The following CDK17 variants were observed in gnomAD, a reference collection of about 807,000 sequenced individuals.
CDK17 encodes cyclin dependent kinase 17, also known as cyclin-dependent kinase 17.
CDK17 carries 24 observed loss-of-function variants against 77.6 expected under a neutral mutation model. The observed-to-expected ratio is 0.31, with a 90% CI of 0.22 to 0.44. The LOEUF (loss-of-function observed/expected upper bound fraction) is 0.44, where lower values mean the gene tolerates loss of function less well. Ranked by LOEUF, CDK17 falls within the 20% of genes least tolerant of loss-of-function variation. The pLI is 1.00. For missense variants in CDK17, 429 were observed against 622.5 expected (o/e 0.69, Z 3.31); for synonymous variants, 203 against 210.4 (o/e 0.96, Z 0.30).
intron 1 of CDK17, among the ~76,000 whole-genome samples, chr12:96,391,374 T>C (rs1954065077): frequency 6.6e-6 from 1 of 151,582 alleles, no homozygotes; most frequent in Non-Finnish European, 1.5e-5. Flanking sequence ...ACTACAACTT[T>C]CACCTCCCGG....
chr12:96,295,904 A>G (rs981178448), intron 9 of CDK17, among the ~76,000 whole-genome samples: 1 of 152,210 alleles, frequency 6.6e-6, no homozygotes, highest in African/African-American at 2.4e-5. Context: ...GTTAACAAAA[A>G]GAACCTCAAG....
In CDK17 at chr12:96,320,263, C is replaced by T. The variant is rs866229154; in HGVS notation, c.283+3685G>A. 4.9e-3 allele frequency among the ~76,000 whole-genome samples: 695 copies of T among 143,142 alleles called. 4 individuals are homozygous for T. The highest frequency in any genetic ancestry group is 7.0e-3 in the Middle Eastern group (2 of 284). 93.9% of individuals were successfully genotyped at this position (143,142 alleles called of 152,430 possible). ...TCCAACTTACAAGGGATGTGAAGGACCTCTTCAAGGAGAACTACAAACCAC... is the reference window on the plus strand; with the variant it reads ...TCCAACTTACAAGGGATGTGAAGGATCTCTTCAAGGAGAACTACAAACCAC... On this transcript the variant is annotated intron_variant, in intron 3 of 16. Coordinates refer to ENST00000261211, the MANE Select transcript of CDK17 (RefSeq NM_002595.5).
intron 3 of CDK17, among the ~76,000 whole-genome samples, chr12:96,314,816 A>G (rs1347311122): frequency 1.3e-5 from 2 of 152,198 alleles, no homozygotes; most frequent in Non-Finnish European, 2.9e-5. Flanking sequence ...TTTTTAAAAG[A>G]TGCCTTTTCC....
chr12:96,341,354 A>G (rs1953120254), intron 1 of CDK17, among the ~76,000 whole-genome samples: 2 of 145,472 alleles, frequency 1.4e-5, no homozygotes, highest in Admixed American at 6.8e-5. Context: ...CGTCTCATAT[A>G]TGTACGTGTG....
chr12:96,400,437 A>G lies in CDK17; in HGVS notation c.-481T>C, dbSNP rs939755693. On this transcript the variant is annotated 5_prime_UTR_variant, in exon 1 of 17. Coordinates refer to ENST00000261211, the MANE Select transcript of CDK17 (RefSeq NM_002595.5). ...TCGCTTTCACACTCGGCGGCTGCGG[A>G]TTGACGCCTCCGCCTGTTCCCCGGA... The G allele has an allele frequency of 1.9e-5, 7 of 378,084 alleles. No individual in the cohort carries two copies. Among genetic ancestry groups the G allele is most frequent in the African/African-American group, 8.4e-5 (4 of 47,674 alleles). 23.4% of individuals were successfully genotyped at this position (378,084 alleles called of 1,614,324 possible). A position where few individuals can be genotyped will look rare whatever the true frequency, so the allele number is the denominator to read the frequency against.
intron 9 of CDK17, among the ~76,000 whole-genome samples, chr12:96,296,596 G>A (rs528153530): frequency 1.3e-5 from 2 of 152,152 alleles, no homozygotes; most frequent in Non-Finnish European, 2.9e-5. Flanking sequence ...TGTTGACTAA[G>A]TTTGGATAAA....
At position 96,324,040 on chromosome 12, in the gene CDK17, G is replaced by T. The variant is rs1952860363; in HGVS notation, c.191C>A (p.Ser64Tyr). 1 of 1,611,962 alleles carries T rather than the reference G, an allele frequency of 6.2e-7. No homozygotes were observed. Among genetic ancestry groups the T allele is most frequent in the Non-Finnish European group, 8.5e-7 (1 of 1,179,066 alleles). Residue 64 changes from serine to tyrosine, a missense_variant, in exon 3 of 17, where the codon TCT becomes TAT. Around this residue, in one of 4 missense-constraint regions of CDK17, gnomAD observed 262 missense variants for 385.4 expected, o/e 0.68. Coordinates refer to ENST00000261211, the MANE Select transcript of CDK17 (RefSeq NM_002595.5). ...TCTCCGCAATGGGGGCTTCTTGAAA[G>T]ATCCTGTGTACTGGTGGAGGAAGGA... ...MHSFLHQYTG[S>Y]FKKPPLRRPH... is the part of the protein sequence containing the mutation.
At chr12:96,290,656 A>T (rs1952311291) in intron 10 of CDK17, among the ~76,000 whole-genome samples, 1 of 152,226 alleles carries the variant, frequency 6.6e-6, no homozygotes. Context: ...GTAATTAATT[A>T]ACAAGATGGA....
chr12:96,393,064 C>T (rs1016356202), intron 1 of CDK17, among the ~76,000 whole-genome samples: 1 of 152,094 alleles, frequency 6.6e-6, no homozygotes, highest in Admixed American at 6.6e-5. Context: ...TAAAGGACCA[C>T]TTCTTAAAAC....
At chr12:96,346,045 C>G (rs997700317) in intron 1 of CDK17, among the ~76,000 whole-genome samples, 2 of 152,174 alleles carry the variant, frequency 1.3e-5, no homozygotes, top group African/African-American at 4.8e-5. Context: ...TATAAGAGAC[C>G]GGGTGCAGTG....
intron 5 of CDK17, 97 bp from the exon 6 acceptor site, chr12:96,300,457 C>T: frequency 1.4e-6 from 1 of 706,764 alleles, no homozygotes; most frequent in South Asian, 1.7e-5. Flanking sequence ...AGTGCAGCGG[C>T]ACAATCTTGG....
At chr12:96,343,523 C>T (rs1371960053) in intron 1 of CDK17, among the ~76,000 whole-genome samples, 1 of 152,192 alleles carries the variant, frequency 6.6e-6, no homozygotes, top group Non-Finnish European at 1.5e-5. Flanking sequence ...GGCTACCGGG[C>T]AGGGGAGGCG....
chr12:96,368,812 G>GGGGGT (rs1953639274), intron 1 of CDK17, among the ~76,000 whole-genome samples: 1 of 13,618 alleles, frequency 7.3e-5, no homozygotes. Context: ...AAGACGGGGG[G>GGGGGT]GGGGGGGGGG....
chr12:96,286,473 A>G (rs1952248057), intron 12 of CDK17, among the ~76,000 whole-genome samples, 191 bp downstream of exon 12: 1 of 152,178 alleles, frequency 6.6e-6, no homozygotes, highest in Non-Finnish European at 1.5e-5. Context: ...TCTTTATTGC[A>G]AAGATAAAAC....
chr12:96,369,939 A>G (rs1953664012), intron 1 of CDK17, among the ~76,000 whole-genome samples: 1 of 152,202 alleles, frequency 6.6e-6, no homozygotes, highest in African/African-American at 2.4e-5. Context: ...GCACAAGATT[A>G]TGAACACCCC....
chr12:96,320,652 C>T (rs1315955949), intron 3 of CDK17, among the ~76,000 whole-genome samples: 16 of 151,720 alleles, frequency 1.1e-4, no homozygotes, highest in Non-Finnish European at 1.5e-4. Context: ...GAAATAACAC[C>T]GCATACCTAC....
rs138659271 is a variant in CDK17, at chr12:96,356,191, G to A, written c.-29-21326C>T. ...ATGAGTGAAACTCCAGGATAATAAC[G>A]ATGAATGTTTTCATAATTATTTCAA... On this transcript the variant is annotated intron_variant, in intron 1 of 16. Transcript: ENST00000261211. 3.4e-3 allele frequency among the ~76,000 whole-genome samples: 514 copies of A among 152,264 alleles called. 4 individuals are homozygous for A. The highest frequency in any genetic ancestry group is 0.012 in the African/African-American group (488 of 41,542).
At chr12:96,347,585 G>GGGGAGGGGAAGGGAGGGGAA (rs1296328379) in intron 1 of CDK17, among the ~76,000 whole-genome samples, 2 of 47,492 alleles carry the variant, frequency 4.2e-5, no homozygotes, top group African/African-American at 1.2e-4. Flanking sequence ...AGGGAGGGGA[G>GGGGAGGGGAAGGGAGGGGAA]GGGAGGGGAA....
At chr12:96,348,754 A>T (rs1953267721) in intron 1 of CDK17, among the ~76,000 whole-genome samples, 1 of 152,168 alleles carries the variant, frequency 6.6e-6, no homozygotes, top group African/African-American at 2.4e-5. Flanking sequence ...CACACAAACC[A>T]GCAAAACTCA....
Sources: allele counts gnomAD v4.1 joint callset (sites outside exome capture counted in the v4.1 genomes callset), GRCh38; gene constraint gnomAD v4.1.1; regional missense constraint gnomAD v4.1.1; transcripts MANE v1.5; gene names NCBI Gene and HGNC (gene_info 2026-07-23, HGNC 2026-07-21).